ZNF235: variants seen among roughly 807,000 people sequenced by gnomAD.
ZNF235 encodes the protein zinc finger protein 235.
In ZNF235, 25 loss-of-function variants were observed where a neutral mutation model predicts 29.4. The ratio of observed to expected loss-of-function variants is 0.85; its 90% CI spans 0.62 to 1.19. The LOEUF is 1.19. ZNF235 is among the 50% of genes most tolerant of loss of function. The pLI, the probability that ZNF235 is intolerant of heterozygous loss-of-function variation, is 0.00. For synonymous variants in ZNF235, 300 were observed against 295.3 expected, an observed-to-expected ratio of 1.02 and a Z score of -0.16; for missense variants, 788 against 885.0, an observed-to-expected ratio of 0.89 and a Z score of 1.39.
chr19:44,304,432 A>C (rs1568648541), intron 1 of ZNF235, among the ~76,000 whole-genome samples: 1 of 152,186 alleles, frequency 6.6e-6, no homozygotes, highest in Non-Finnish European at 1.5e-5. Context: ...AAGTCCAAGA[A>C]TCCAGGAACG....
At chr19:44,301,471 C>CT (rs199636863) in intron 2 of ZNF235, among the ~76,000 whole-genome samples, 29,065 of 147,052 alleles carry the variant, frequency 0.2, 3,445 homozygotes, top group African/African-American at 0.33. Context: ...TGAATAGTCT[C>CT]TTTTTTTTTT....
rs187060443 is a variant in ZNF235 at position 44,294,541 on chromosome 19, G to A, written c.238+4267C>T. On this transcript the variant is annotated intron_variant, in intron 4 of 4. Coordinates refer to ENST00000291182, the MANE Select transcript of ZNF235 (RefSeq NM_004234.4). Reference sequence around the variant, plus strand: ...AAAACTCTTTCAAAAAATCTAAGAGGAGAGAATCCTCCCTAACTCATTCTA... The same window carrying A: ...AAAACTCTTTCAAAAAATCTAAGAGAAGAGAATCCTCCCTAACTCATTCTA... 3.1e-4 allele frequency among the ~76,000 whole-genome samples: 47 copies of A among 152,174 alleles called. No individual in the cohort carries two copies. In the East Asian group the frequency reaches 4.6e-3, roughly 15 times the overall value.
At chr19:44,292,423 G>GA (rs1054838424) in intron 4 of ZNF235, among the ~76,000 whole-genome samples, 4 of 151,128 alleles carry the variant, frequency 2.6e-5, no homozygotes, top group African/African-American at 4.9e-5. Context: ...TTCTGGAAAT[G>GA]AAAAAATCAT....
Position 44,296,350 on chromosome 19 carries a change from T to C in ZNF235, c.238+2458A>G, listed in dbSNP as rs140760672. ...TTTCAAAATAAAAAGTTTAAAGTCA[T>C]AGGAAAACAAATAGGTCATCCAAAT... is the stretch of plus-strand genomic sequence containing the variant. On this transcript the variant is annotated intron_variant, in intron 4 of 4. Transcript: ENST00000291182. Among the ~76,000 whole-genome samples, 681 of 152,298 alleles carry C rather than the reference T, an allele frequency of 4.5e-3. 1 individual carries two copies. In the Middle Eastern group the frequency reaches 0.065, roughly 14 times the overall value.
chr19:44,293,571 G>A (rs1975613826), intron 4 of ZNF235, among the ~76,000 whole-genome samples: 1 of 152,018 alleles, frequency 6.6e-6, no homozygotes. Flanking sequence ...TAGGTCAAAT[G>A]GAGCTAACAG....
chr19:44,296,391 G>A (rs916760945), intron 4 of ZNF235, among the ~76,000 whole-genome samples: 3 of 152,100 alleles, frequency 2.0e-5, no homozygotes, highest in African/African-American at 7.2e-5. Flanking sequence ...GTATGTTGGG[G>A]GAAGGGTGGA....
At chr19:44,303,079 A>ATG (rs1975776064) in intron 2 of ZNF235, among the ~76,000 whole-genome samples, 2 of 122,936 alleles carry the variant, frequency 1.6e-5, no homozygotes, top group Admixed American at 1.0e-4. Flanking sequence ...ATTTGTATAT[A>ATG]TAATACATAT....
chr19:44,301,540 G>C (rs1162116990), intron 2 of ZNF235, among the ~76,000 whole-genome samples: 1 of 151,388 alleles, frequency 6.6e-6, no homozygotes, highest in Non-Finnish European at 1.5e-5. Flanking sequence ...GTGTGATCTT[G>C]GCTCACTGCA....
chr19:44,303,131 AT>A (rs1317511483), intron 2 of ZNF235, among the ~76,000 whole-genome samples: 1 of 143,722 alleles, frequency 7.0e-6, no homozygotes, highest in Non-Finnish European at 1.5e-5. Flanking sequence ...ATACATATAT[AT>A]TTGTATATAA....
chr19:44,298,794 T>C lies in ZNF235; in HGVS notation c.238+14A>G. 6.3e-7 allele frequency: 1 copy of C among 1,580,750 alleles called. No individual in the cohort carries two copies. Among genetic ancestry groups the C allele is most frequent in the Non-Finnish European group, 8.7e-7 (1 of 1,155,970 alleles). On this transcript the variant is annotated intron_variant, in intron 4 of 4. Transcript: ENST00000291182. The stretch of plus-strand genomic sequence containing the variant: ...AACAGCTGTTAACTACGATTCCGGC[T>C]GCACAGTACTCACCTGAATGCTTAC...
chr19:44,288,641 C>A lies in ZNF235; in HGVS notation c.794G>T (p.Gly265Val). 1 of 1,613,996 alleles carries A rather than the reference C, an allele frequency of 6.2e-7. No individual in the cohort carries two copies. Among genetic ancestry groups the A allele is most frequent in the Non-Finnish European group, 8.5e-7 (1 of 1,179,968 alleles). ...ATTGAAGGCTTCTTCACATTCATTACCCTGGTAGGTTTTCTGTCCTGTGTG... is the reference window on the plus strand; with the variant it reads ...ATTGAAGGCTTCTTCACATTCATTAACCTGGTAGGTTTTCTGTCCTGTGTG... Reference protein sequence around the residue: ...SIHTGQKTYQGNECEEAFNDS... With the variant: ...SIHTGQKTYQVNECEEAFNDS... Residue 265 changes from glycine (G) to valine (V), a missense_variant, in exon 5 of 5, where the codon GGT (glycine) becomes GTT (valine). Physicochemically the swap from Gly to Val is moderately radical, Grantham distance 109 (BLOSUM62 -3). Coordinates refer to ENST00000291182, the MANE Select transcript of ZNF235 (RefSeq NM_004234.4).
At chr19:44,301,866 G>C (rs921491996) in intron 2 of ZNF235, among the ~76,000 whole-genome samples, 2 of 152,180 alleles carry the variant, frequency 1.3e-5, no homozygotes, top group Non-Finnish European at 2.9e-5. Flanking sequence ...GTTCACACCT[G>C]TCTCTTTATG....
At chr19:44,296,557 A>G (rs1975656810) in intron 4 of ZNF235, among the ~76,000 whole-genome samples, 1 of 152,192 alleles carries the variant, frequency 6.6e-6, no homozygotes, top group South Asian at 2.1e-4. Context: ...GGATTAGATG[A>G]TATCTTAACA....
Position 44,304,963 on chromosome 19 carries a change from T to G in ZNF235, c.-49+8A>C. On this transcript the variant is annotated splice_region_variant and intron_variant, in intron 1 of 4. Transcript: ENST00000291182. ...CGGAGAAGTCTTGGAGACCCGGAGC[T>G]GACTCACCTCCCTGGGAGATATCTC... 3.0e-6 allele frequency: 3 copies of G among 984,388 alleles called. No individual in the cohort carries two copies. The highest frequency in any genetic ancestry group is 3.6e-6 in the Non-Finnish European group (3 of 828,942). 61.0% of individuals were successfully genotyped at this position (984,388 alleles called of 1,614,324 possible).
At chr19:44,297,393 G>C (rs1256655350) in intron 4 of ZNF235, 3 of 154,756 alleles carry the variant, frequency 1.9e-5, no homozygotes, top group Non-Finnish European at 2.9e-5. Context: ...ACCCTCCCCA[G>C]TGGCTCCCAA....
chr19:44,302,818 T>TTATA (rs1335373906), intron 2 of ZNF235, among the ~76,000 whole-genome samples: 2 of 131,038 alleles, frequency 1.5e-5, no homozygotes, highest in African/African-American at 3.1e-5. Flanking sequence ...ATATATATAC[T>TTATA]TATATATATA....
intron 2 of ZNF235, among the ~76,000 whole-genome samples, chr19:44,302,818 TTA>T (rs1335373906): frequency 5.3e-5 from 7 of 131,038 alleles, no homozygotes; most frequent in South Asian, 2.2e-4. Flanking sequence ...ATATATATAC[TTA>T]TATATATATA....
intron 1 of ZNF235, among the ~76,000 whole-genome samples, chr19:44,303,910 A>G (rs1226800424): frequency 6.6e-6 from 1 of 152,244 alleles, no homozygotes; most frequent in Non-Finnish European, 1.5e-5. Flanking sequence ...GCTTCTGACA[A>G]GCAAGTGCTA....
At position 44,288,394 on chromosome 19, in the gene ZNF235, A is replaced by C. The variant is rs776194612; in HGVS notation, c.1041T>G (p.Tyr347Ter). 5 of 1,613,756 alleles carry C rather than the reference A, an allele frequency of 3.1e-6. No individual in the cohort carries two copies. The Admixed American group carries it at 5.0e-5, about 16-fold the overall frequency. ...AGCTCTTACCACACTCGTGGCATGT[A>C]TAGGGTTTCTCCCCTGTGTGGACTC... ...HQRVHTGEKP[Y>*]TCHECGKSFN... Residue 347 changes from tyrosine (Y) to a stop codon, truncating the protein, a stop_gained, in exon 5 of 5, where the codon TAT (tyrosine) becomes TAG (stop). Coordinates refer to ENST00000291182, the MANE Select transcript of ZNF235 (RefSeq NM_004234.4). LOFTEE classifies it high-confidence loss of function.
Sources: allele counts gnomAD v4.1 joint callset (sites outside exome capture counted in the v4.1 genomes callset), GRCh38; gene constraint gnomAD v4.1.1; transcripts MANE v1.5; gene names NCBI Gene and HGNC (gene_info 2026-07-23, HGNC 2026-07-21).